Variants in CDH12 observed in about 807,000 individuals in gnomAD.
CDH12 encodes cadherin-12.
Under a neutral mutation model 74.1 loss-of-function variants are expected in CDH12, and 41 were observed. The ratio of observed to expected loss-of-function variants is 0.55; its 90% CI spans 0.43 to 0.72. CDH12 has a LOEUF of 0.72. Ranked by LOEUF, CDH12 falls within the 30% of genes least tolerant of loss-of-function variation. The probability of loss-of-function intolerance (pLI) is 0.00; values close to 1 mark genes in which losing one functional copy is unlikely to be tolerated. For missense variants in CDH12, 945 were observed against 977.2 expected (o/e 0.97, Z 0.44); for synonymous variants, 399 against 355.0 (o/e 1.12, Z -1.39).
At chr5:22,613,821 G>A (rs377701900) in intron 1 of CDH12, among the ~76,000 whole-genome samples, 5 of 152,176 alleles carry the variant, frequency 3.3e-5, no homozygotes, top group East Asian at 3.9e-4. Flanking sequence ...TGGGAATCAT[G>A]TGTATCACGT....
intron 1 of CDH12, among the ~76,000 whole-genome samples, chr5:22,731,005 G>A (rs1744408462): frequency 6.6e-6 from 1 of 151,852 alleles, no homozygotes; most frequent in South Asian, 2.1e-4. Flanking sequence ...AGGACGTGCT[G>A]TCTCCTAAAT....
At chr5:22,202,785 T>C (rs1408203286) in intron 4 of CDH12, among the ~76,000 whole-genome samples, 1 of 152,200 alleles carries the variant, frequency 6.6e-6, no homozygotes, top group African/African-American at 2.4e-5. Context: ...TTTATAACTT[T>C]GCCAAATTTA....
intron 3 of CDH12, among the ~76,000 whole-genome samples, chr5:22,302,007 ATG>A (rs1737904472): frequency 8.2e-6 from 1 of 121,480 alleles, no homozygotes; most frequent in Non-Finnish European, 1.9e-5. Context: ...ATATATATAT[ATG>A]GAGAGAGAGA....
At chr5:22,478,417 C>CAAAAAAAAAAAAAA (rs34576542) in intron 2 of CDH12, among the ~76,000 whole-genome samples, 1 of 88,506 alleles carries the variant, frequency 1.1e-5, no homozygotes, top group African/African-American at 4.7e-5. Context: ...GACTCCGTCT[C>CAAAAAAAAAAAAAA]AAAAAAAAAA....
At chr5:22,127,292 A>G (rs910340781) in intron 4 of CDH12, among the ~76,000 whole-genome samples, 52 of 152,196 alleles carry the variant, frequency 3.4e-4, no homozygotes, top group African/African-American at 1.2e-3. Context: ...AGCCTGGCCA[A>G]CATGGTGAAA....
At chr5:22,575,305 C>T (rs746187515) in intron 1 of CDH12, among the ~76,000 whole-genome samples, 3 of 152,246 alleles carry the variant, frequency 2.0e-5, no homozygotes, top group Non-Finnish European at 2.9e-5. Flanking sequence ...CATTTTCAAC[C>T]ACTTTTCCAT....
chr5:22,758,989 A>AT (rs1039405948), intron 1 of CDH12, among the ~76,000 whole-genome samples: 8 of 151,974 alleles, frequency 5.3e-5, no homozygotes, highest in Admixed American at 6.6e-5. Flanking sequence ...GATATTGTCT[A>AT]TTTTTTTTGT....
At chr5:21,895,491 C>T (rs560721294) in intron 6 of CDH12, among the ~76,000 whole-genome samples, 71 of 152,326 alleles carry the variant, frequency 4.7e-4, no homozygotes, top group African/African-American at 1.7e-3. Context: ...TAAGGAGCTG[C>T]TCTTCCACAA....
At chr5:22,105,784 A>G (rs1248754602) in intron 4 of CDH12, among the ~76,000 whole-genome samples, 1 of 152,092 alleles carries the variant, frequency 6.6e-6, no homozygotes, top group East Asian at 1.9e-4. Flanking sequence ...CCCTATCTTA[A>G]TAACCTCAGT....
At chr5:22,723,557 A>C (rs185463548) in intron 1 of CDH12, among the ~76,000 whole-genome samples, 2 of 152,158 alleles carry the variant, frequency 1.3e-5, no homozygotes, top group Non-Finnish European at 2.9e-5. Context: ...ACAACACAAA[A>C]ACATTCCCCT....
intron 7 of CDH12, among the ~76,000 whole-genome samples, chr5:21,853,120 A>G (rs1433204705): frequency 6.6e-6 from 1 of 151,540 alleles, no homozygotes; most frequent in East Asian, 1.9e-4. Flanking sequence ...AAATATATAT[A>G]AGATTTTTTT....
intron 5 of CDH12, among the ~76,000 whole-genome samples, chr5:22,019,966 G>A (rs530090397): frequency 6.6e-6 from 1 of 152,152 alleles, no homozygotes; most frequent in Non-Finnish European, 1.5e-5. Context: ...CAATGGCACT[G>A]GACCACTTAC....
At chr5:22,195,130 A>C (rs1467614860) in intron 4 of CDH12, among the ~76,000 whole-genome samples, 1 of 152,206 alleles carries the variant, frequency 6.6e-6, no homozygotes, top group Admixed American at 6.5e-5. Context: ...GAGGCTTTTT[A>C]AACTTGAAAT....
At chr5:22,179,853 T>A (rs1250101291) in intron 4 of CDH12, among the ~76,000 whole-genome samples, 2 of 152,192 alleles carry the variant, frequency 1.3e-5, no homozygotes, top group Non-Finnish European at 2.9e-5. Context: ...ATGTGTGTCA[T>A]CTGCATCTTA....
intron 4 of CDH12, among the ~76,000 whole-genome samples, chr5:22,100,590 C>T (rs567772346): frequency 4.6e-4 from 69 of 150,980 alleles, no homozygotes; most frequent in Non-Finnish European, 8.7e-4. Flanking sequence ...GATTCTGTTA[C>T]TCTCTATAAA....
intron 4 of CDH12, among the ~76,000 whole-genome samples, chr5:22,181,527 T>C (rs1180620566): frequency 6.6e-6 from 1 of 152,214 alleles, no homozygotes; most frequent in African/African-American, 2.4e-5. Context: ...ATTGCTATTT[T>C]GTGCCAGTGT....
At position 22,470,416 on chromosome 5, in the gene CDH12, A is replaced by ATTTTATTTTATTTATTTTAT. The variant is rs145307255; in HGVS notation, c.-428+34853_-428+34854insATAAAATAAATAAAATAAAA. Reference sequence around the variant, plus strand: ...AATTATTTTTATTTTATTTTATTTTATTTATTTTATTTTTGGTAGAAACAG... The same window carrying ATTTTATTTTATTTATTTTAT: ...AATTATTTTTATTTTATTTTATTTTATTTTATTTTATTTATTTTATTTTATTTTATTTTTGGTAGAAACAG... On this transcript the variant is annotated intron_variant, in intron 2 of 14. Coordinates refer to ENST00000382254, the MANE Select transcript of CDH12 (RefSeq NM_004061.5). 3.4e-3 allele frequency among the ~76,000 whole-genome samples: 496 copies of ATTTTATTTTATTTATTTTAT among 146,426 alleles called. 3 individuals are homozygous for ATTTTATTTTATTTATTTTAT. Among genetic ancestry groups the ATTTTATTTTATTTATTTTAT allele is most frequent in the African/African-American group, 0.012 (466 of 39,622 alleles).
intron 8 of CDH12, among the ~76,000 whole-genome samples, chr5:21,834,387 C>G (rs1749415662): frequency 6.6e-6 from 1 of 151,688 alleles, no homozygotes; most frequent in South Asian, 2.1e-4. Context: ...TCTAAATAAT[C>G]TAGATTAAAA....
At chr5:22,620,987 G>C (rs934985902) in intron 1 of CDH12, among the ~76,000 whole-genome samples, 1 of 152,142 alleles carries the variant, frequency 6.6e-6, no homozygotes, top group Non-Finnish European at 1.5e-5. Context: ...CAGAGTTCTG[G>C]AGATCAGAAT....
Sources: gnomAD v4.1 joint callset for allele counts (sites outside exome capture counted in the v4.1 genomes callset) on GRCh38, gnomAD v4.1.1 for gene constraint, MANE v1.5 for transcripts, NCBI Gene and HGNC (gene_info 2026-07-23, HGNC 2026-07-21) for gene names.